PTPRK: variants seen among roughly 807,000 people sequenced by gnomAD.
The protein encoded by PTPRK is receptor-type tyrosine-protein phosphatase kappa.
A neutral mutation model predicts 178.0 loss-of-function variants in PTPRK; 75 were observed. The ratio of observed to expected loss-of-function variants is 0.42; its 90% CI spans 0.35 to 0.51. The LOEUF (loss-of-function observed/expected upper bound fraction) is 0.51. Among genes scored for constraint, PTPRK ranks in the 20% least tolerant of loss-of-function variants. The pLI is 0.02. For missense variants in PTPRK, 1,441 were observed against 1,797.8 expected, an observed-to-expected ratio of 0.80 and a Z score of 3.59; for synonymous variants, 637 against 620.6, an observed-to-expected ratio of 1.03 and a Z score of -0.39.
chr6:128,223,486 C>T (rs1395085145), intron 5 of PTPRK, among the ~76,000 whole-genome samples: 1 of 151,866 alleles, frequency 6.6e-6, no homozygotes, highest in Non-Finnish European at 1.5e-5. Context: ...TGATATATTA[C>T]ATGATGCTTA....
chr6:128,163,204 A>G (rs1185209271), intron 7 of PTPRK, among the ~76,000 whole-genome samples: 1 of 151,378 alleles, frequency 6.6e-6, no homozygotes, highest in Non-Finnish European at 1.5e-5. Context: ...TTCTATAAAA[A>G]TACAAATGCA....
chr6:128,431,628 A>G (rs1254875333), intron 1 of PTPRK, among the ~76,000 whole-genome samples: 1 of 152,232 alleles, frequency 6.6e-6, no homozygotes, highest in Non-Finnish European at 1.5e-5. Flanking sequence ...AGACATGGTC[A>G]TGTTAAACTA....
rs181526720 is a variant in PTPRK at position 128,347,233 on chromosome 6, C to T, written c.224-24923G>A. On this transcript the variant is annotated intron_variant, in intron 2 of 29. Coordinates refer to ENST00000368226, the MANE Select transcript of PTPRK (RefSeq NM_002844.4). ...GATTCACCAGCAAGCTTGATGGGATCAGAGGGAACAAGGGGAAGACAAGTG... is the reference window on the plus strand; with the variant it reads ...GATTCACCAGCAAGCTTGATGGGATTAGAGGGAACAAGGGGAAGACAAGTG... 3.9e-3 allele frequency among the ~76,000 whole-genome samples: 587 copies of T among 152,258 alleles called. 3 individuals are homozygous for T. The highest frequency in any genetic ancestry group is 0.013 in the African/African-American group (547 of 41,568).
intron 13 of PTPRK, among the ~76,000 whole-genome samples, chr6:128,038,517 A>G (rs908460056): frequency 6.6e-6 from 1 of 152,114 alleles, no homozygotes; most frequent in East Asian, 1.9e-4. Context: ...ACTTCTAGAG[A>G]TACTGCTCCA....
At chr6:128,467,978 T>C (rs978037950) in intron 1 of PTPRK, among the ~76,000 whole-genome samples, 3 of 152,204 alleles carry the variant, frequency 2.0e-5, no homozygotes, top group Non-Finnish European at 2.9e-5. Flanking sequence ...AATCTAGATA[T>C]AATCCTTTGC....
At chr6:128,454,830 T>C (rs897624797) in intron 1 of PTPRK, among the ~76,000 whole-genome samples, 1 of 152,116 alleles carries the variant, frequency 6.6e-6, no homozygotes, top group African/African-American at 2.4e-5. Context: ...CTATTTTGCT[T>C]TACTTTTTGA....
intron 1 of PTPRK, among the ~76,000 whole-genome samples, chr6:128,430,221 C>A (rs1406643510): frequency 1.3e-5 from 2 of 152,284 alleles, no homozygotes; most frequent in African/African-American, 2.4e-5. Flanking sequence ...CAGCTTAATA[C>A]AGCTTTGACA....
At chr6:128,188,157 C>T (rs1803101107) in intron 6 of PTPRK, among the ~76,000 whole-genome samples, 2 of 152,112 alleles carry the variant, frequency 1.3e-5, no homozygotes, top group South Asian at 4.1e-4. Context: ...CCGATGTTAC[C>T]AATTAACTTC....
At position 128,308,472 on chromosome 6, in the gene PTPRK, A is replaced by AT. The variant is rs547699430; in HGVS notation, c.495+13566dup. Among the ~76,000 whole-genome samples the AT allele has an allele frequency of 8.3e-4, 126 of 151,870 alleles. 4 individuals carry two copies. In the South Asian group the frequency reaches 0.026, roughly 31 times the overall value. On this transcript the variant is annotated intron_variant, in intron 3 of 29. Coordinates refer to ENST00000368226, the MANE Select transcript of PTPRK (RefSeq NM_002844.4). The stretch of plus-strand genomic sequence containing the variant: ...ACACGAACTGCTTGCATTTAGAGGA[A>AT]TTTTTTTTAAAAAGGTGAAAAAAGA...
intron 2 of PTPRK, among the ~76,000 whole-genome samples, chr6:128,348,050 C>A (rs989495898): frequency 6.6e-6 from 1 of 151,906 alleles, no homozygotes; most frequent in Non-Finnish European, 1.5e-5. Context: ...AAGTACAGAT[C>A]ATCTATTGTA....
At chr6:128,384,093 T>G (rs2128358719) in intron 2 of PTPRK, among the ~76,000 whole-genome samples, 1 of 152,316 alleles carries the variant, frequency 6.6e-6, no homozygotes, top group Non-Finnish European at 1.5e-5. Context: ...ATTCCTATCC[T>G]TTTAGGCTTG....
At chr6:128,193,281 A>AAC (rs1491381961) in intron 6 of PTPRK, among the ~76,000 whole-genome samples, 6 of 13,342 alleles carry the variant, frequency 4.5e-4, no homozygotes, top group South Asian at 2.2e-3. Flanking sequence ...CCAGCTTGTG[A>AAC]AAAAAAAAAA....
At position 127,973,720 on chromosome 6, in the gene PTPRK, C is replaced by T. The variant is rs1391839543; in HGVS notation, c.4077G>A (p.Val1359=). 1.2e-6 allele frequency: 2 copies of T among 1,614,004 alleles called. No individual in the cohort carries two copies. The highest frequency in any genetic ancestry group is 1.7e-5 in the Admixed American group (1 of 60,018). Residue 1359 remains valine, a synonymous_variant, in exon 28 of 30, where the codon GTG becomes GTA. Transcript: ENST00000368226. ...KRSFLKLILQ[V]EKWQEECEEG... ...CCTCGCATTCCTCCTGCCACTTTTC[C>T]ACCTGAAGTATCAGTTTCAAGAATG...
chr6:128,432,982 A>G (rs1300319607), intron 1 of PTPRK, among the ~76,000 whole-genome samples: 2 of 151,908 alleles, frequency 1.3e-5, no homozygotes, highest in Admixed American at 1.3e-4. Context: ...ATTCCCTTTA[A>G]CTATTTGTAT....
chr6:128,149,752 T>A (rs1450619673), intron 7 of PTPRK, among the ~76,000 whole-genome samples: 1 of 152,200 alleles, frequency 6.6e-6, no homozygotes, highest in Non-Finnish European at 1.5e-5. Context: ...TATTTTGATA[T>A]ATGGAAGCCC....
intron 17 of PTPRK, among the ~76,000 whole-genome samples, chr6:127,996,623 C>T (rs1777182031): frequency 6.6e-6 from 1 of 152,122 alleles, no homozygotes; most frequent in Non-Finnish European, 1.5e-5. Flanking sequence ...AGGTGCGTGC[C>T]ACCAAGCCAG....
intron 1 of PTPRK, among the ~76,000 whole-genome samples, chr6:128,419,756 G>A (rs1251401141): frequency 6.6e-6 from 1 of 152,206 alleles, no homozygotes; most frequent in African/African-American, 2.4e-5. Context: ...TGGAGCCAGG[G>A]CAAGACCGAT....
intron 1 of PTPRK, among the ~76,000 whole-genome samples, chr6:128,427,988 G>T (rs1844371483): frequency 6.6e-6 from 1 of 152,116 alleles, no homozygotes; most frequent in African/African-American, 2.4e-5. Flanking sequence ...AGCTACTTGG[G>T]AGGCTGAGGC....
chr6:128,238,060 T>G (rs1343615999), intron 5 of PTPRK: 3 of 446,126 alleles, frequency 6.7e-6, no homozygotes, highest in Non-Finnish European at 1.3e-5. Context: ...TGATGTGGTG[T>G]TATTGAAAAA....
Sources: allele counts gnomAD v4.1 joint callset (sites outside exome capture counted in the v4.1 genomes callset), GRCh38; gene constraint gnomAD v4.1.1; transcripts MANE v1.5; gene names NCBI Gene and HGNC (gene_info 2026-07-23, HGNC 2026-07-21).